SUPT4H1: variants seen among roughly 807,000 people sequenced by gnomAD.
SUPT4H1 encodes the protein SPT4 homolog, DSIF elongation factor subunit, also known as transcription elongation factor SPT4.
A neutral mutation model predicts 19.4 loss-of-function variants in SUPT4H1; 12 were observed. The observed-to-expected ratio is 0.62, with a 90% confidence interval of 0.40 to 1.00. SUPT4H1 has a LOEUF of 1.00. Ranked by LOEUF, SUPT4H1 falls within the 50% of genes least tolerant of loss-of-function variation. The pLI, the probability that SUPT4H1 is intolerant of heterozygous loss-of-function variation, is 0.00. For synonymous variants in SUPT4H1, 58 were observed against 56.3 expected, an observed-to-expected ratio of 1.03 and a Z score of -0.14; for missense variants, 115 against 149.2, an observed-to-expected ratio of 0.77 and a Z score of 1.19.
At chr17:58,351,999 C>A (rs754532390) in intron 1 of SUPT4H1, 68 bp downstream of exon 1, 1 of 1,534,560 alleles carries the variant, frequency 6.5e-7, no homozygotes, top group South Asian at 1.1e-5. Context: ...TGTCCCACAG[C>A]CCCATTCCGC....
At chr17:58,346,389 G>T (rs11658873) in intron 4 of SUPT4H1, 76 bp from the exon 5 acceptor site, 50 of 1,251,222 alleles carry the variant, frequency 4.0e-5, no homozygotes, top group Non-Finnish European at 5.5e-5. Context: ...GCCACCTTGA[G>T]GGGGGTACTA....
At chr17:58,350,781 A>G (rs1009045549) in intron 2 of SUPT4H1, among the ~76,000 whole-genome samples, 1 of 142,758 alleles carries the variant, frequency 7.0e-6, no homozygotes. Flanking sequence ...GGTTGCAGTG[A>G]GCCGAGACTG....
At chr17:58,349,661 G>A (rs1972415146) in intron 2 of SUPT4H1, among the ~76,000 whole-genome samples, 1 of 152,194 alleles carries the variant, frequency 6.6e-6, no homozygotes, top group African/African-American at 2.4e-5. Context: ...GAATGAATGG[G>A]CAGCAGAACA....
intron 4 of SUPT4H1, among the ~76,000 whole-genome samples, chr17:58,346,940 C>A (rs1972314706): frequency 1.3e-5 from 2 of 151,966 alleles, no homozygotes; most frequent in Admixed American, 1.3e-4. Flanking sequence ...ATAGTGAGAC[C>A]TTGTCTCTAA....
chr17:58,351,851 G>A, intron 1 of SUPT4H1: 2 of 594,658 alleles, frequency 3.4e-6, no homozygotes, highest in Non-Finnish European at 6.0e-6. Flanking sequence ...TAAGAGCTGA[G>A]GATTCAAAGG....
chr17:58,349,833 A>G (rs1972424351), intron 2 of SUPT4H1, among the ~76,000 whole-genome samples: 1 of 152,216 alleles, frequency 6.6e-6, no homozygotes, highest in African/African-American at 2.4e-5. Flanking sequence ...AAGGTGGCCA[A>G]ATTCATAGAG....
At chr17:58,350,571 C>T (rs1350542344) in intron 2 of SUPT4H1, among the ~76,000 whole-genome samples, 4 of 151,438 alleles carry the variant, frequency 2.6e-5, no homozygotes, top group Admixed American at 1.3e-4. Context: ...CATGGTGACT[C>T]ATACTTGTAA....
chr17:58,350,081 G>A (rs1017577918), intron 2 of SUPT4H1, among the ~76,000 whole-genome samples: 3 of 152,242 alleles, frequency 2.0e-5, no homozygotes, highest in Non-Finnish European at 2.9e-5. Context: ...TCAGGAGTTC[G>A]AGACCAGCCT....
At chr17:58,351,881 C>G in intron 1 of SUPT4H1, 186 bp downstream of exon 1, 1 of 633,436 alleles carries the variant, frequency 1.6e-6, no homozygotes, top group Non-Finnish European at 2.8e-6. Flanking sequence ...CCGCCCCTGC[C>G]CTCAGCTGCA....
intron 4 of SUPT4H1, among the ~76,000 whole-genome samples, chr17:58,346,545 G>T (rs1371710719): frequency 2.0e-5 from 3 of 151,678 alleles, no homozygotes; most frequent in African/African-American, 7.3e-5. Context: ...ACAGAGCAAG[G>T]CCCCATCTCT....
chr17:58,350,346 T>C (rs1307679793), intron 2 of SUPT4H1, among the ~76,000 whole-genome samples: 1 of 151,634 alleles, frequency 6.6e-6, no homozygotes, highest in Admixed American at 6.6e-5. Flanking sequence ...ACCCCGTCTC[T>C]ACTAAAAATA....
intron 2 of SUPT4H1, 70 bp from the exon 3 acceptor site, chr17:58,347,654 A>G: frequency 1.3e-6 from 2 of 1,521,710 alleles, no homozygotes; most frequent in East Asian, 2.3e-5. Context: ...TGAGAGAGGA[A>G]TCTAGGAAAA....
chr17:58,351,511 G>C lies in SUPT4H1; in HGVS notation c.70-3C>G. 6.3e-7 allele frequency: 1 copy of C among 1,594,736 alleles called. No individual in the cohort carries two copies. The highest frequency in any genetic ancestry group is 8.6e-7 in the Non-Finnish European group (1 of 1,164,568). On this transcript the variant is annotated splice_polypyrimidine_tract_variant and splice_region_variant and intron_variant, in intron 1 of 4. Coordinates refer to ENST00000225504, the MANE Select transcript of SUPT4H1 (RefSeq NM_003168.3). Reference sequence around the variant, plus strand: ...TCATATTCAAACTGGTCTATAGTCTGGGAGTGAAAGAAAAATAAAGGAAAA... The same window carrying C: ...TCATATTCAAACTGGTCTATAGTCTCGGAGTGAAAGAAAAATAAAGGAAAA...
chr17:58,349,358 CGCA>C (rs1972403797), intron 2 of SUPT4H1, among the ~76,000 whole-genome samples: 1 of 152,226 alleles, frequency 6.6e-6, no homozygotes, highest in South Asian at 2.1e-4. Flanking sequence ...CATGATGCTG[CGCA>C]GCAGCCATGA....
intron 2 of SUPT4H1, among the ~76,000 whole-genome samples, chr17:58,350,913 C>CA (rs200521296): frequency 3.4e-5 from 5 of 148,664 alleles, no homozygotes; most frequent in Non-Finnish European, 7.4e-5. Context: ...CCTTCATTTT[C>CA]AAAAAAAATT....
In SUPT4H1 at chr17:58,347,220, T is replaced by C. The variant is rs760621780; in HGVS notation, c.254A>G (p.Tyr85Cys). 5 of 1,614,220 alleles carry C rather than the reference T, an allele frequency of 3.1e-6. No homozygotes were observed. The highest frequency in any genetic ancestry group is 2.2e-5 in the South Asian group (2 of 91,090). Residue 85 changes from tyrosine to cysteine, a missense_variant, in exon 4 of 5, where the codon TAT becomes TGT. Transcript: ENST00000225504. ...QRVSNFKPGV[Y>C]AVSVTGRLPQ... ...CAGGCGACCAGTGACTGACACCGCA[T>C]ATACACCTGGCTTAAAGTTACCTGA...
chr17:58,347,873 G>A (rs983195086), intron 2 of SUPT4H1, among the ~76,000 whole-genome samples: 2 of 152,206 alleles, frequency 1.3e-5, no homozygotes, highest in African/African-American at 4.8e-5. Flanking sequence ...GACGGCTTTA[G>A]GACAAGGGGT....
chr17:58,348,360 C>T (rs985797167), intron 2 of SUPT4H1, among the ~76,000 whole-genome samples: 6 of 152,164 alleles, frequency 3.9e-5, no homozygotes, highest in Non-Finnish European at 8.8e-5. Flanking sequence ...TATGCCTCCC[C>T]TCTTCTCTCA....
intron 3 of SUPT4H1, 67 bp from the exon 4 acceptor site, chr17:58,347,308 C>A: frequency 6.4e-7 from 1 of 1,566,956 alleles, no homozygotes; most frequent in South Asian, 1.1e-5. Flanking sequence ...CAAATGGAAG[C>A]TTAAGCTAAA....
Sources: allele counts gnomAD v4.1 joint callset (sites outside exome capture counted in the v4.1 genomes callset), GRCh38; gene constraint gnomAD v4.1.1; transcripts MANE v1.5; gene names NCBI Gene and HGNC (gene_info 2026-07-23, HGNC 2026-07-21).